Variants in PPARGC1A observed in about 807,000 individuals in gnomAD.
PPARGC1A encodes the protein peroxisome proliferator-activated receptor gamma coactivator 1-alpha.
A neutral mutation model predicts 88.7 loss-of-function variants in PPARGC1A; 25 were observed. The ratio of observed to expected loss-of-function variants is 0.28; its 90% CI spans 0.21 to 0.39. The LOEUF (loss-of-function observed/expected upper bound fraction) is 0.39, where lower values mean the gene tolerates loss of function less well. PPARGC1A is among the 10% of genes least tolerant of loss of function. The pLI is 1.00. For synonymous variants in PPARGC1A, 363 were observed against 355.6 expected, an observed-to-expected ratio of 1.02 and a Z score of -0.24; for missense variants, 880 against 968.7, an observed-to-expected ratio of 0.91 and a Z score of 1.22.
chr4:24,052,088 G>T, the PPARGC1A span, among the ~76,000 whole-genome samples: 3 of 152,160 alleles, frequency 2.0e-5, no homozygotes. Context: ...AATATTGGAC[G>T]TATTTGGAGA....
At chr4:24,436,921 G>A in the PPARGC1A span, among the ~76,000 whole-genome samples, 5 of 152,214 alleles carry the variant, frequency 3.3e-5, no homozygotes, top group Admixed American at 6.5e-5. Flanking sequence ...ACAGCGATTG[G>A]CCACCCCAGA....
At chr4:23,936,301 G>T in the PPARGC1A span, among the ~76,000 whole-genome samples, 1 of 152,188 alleles carries the variant, frequency 6.6e-6, no homozygotes, top group Non-Finnish European at 1.5e-5. Context: ...GATGGATTGA[G>T]AAACTTGCCC....
chr4:24,133,599 G>A, the PPARGC1A span, among the ~76,000 whole-genome samples: 1 of 152,068 alleles, frequency 6.6e-6, no homozygotes, highest in East Asian at 1.9e-4. Flanking sequence ...AACCATTTGG[G>A]GAGATTATTC....
At chr4:24,116,401 T>C in the PPARGC1A span, among the ~76,000 whole-genome samples, 1 of 152,202 alleles carries the variant, frequency 6.6e-6, no homozygotes, top group African/African-American at 2.4e-5. Context: ...GGTCATGGTT[T>C]CACTTTCAGG....
chr4:24,070,646 C>T, the PPARGC1A span, among the ~76,000 whole-genome samples: 2 of 152,170 alleles, frequency 1.3e-5, no homozygotes, highest in African/African-American at 4.8e-5. Flanking sequence ...ATAATAGACC[C>T]TAACCCTTTG....
rs770694890 is a variant in PPARGC1A, at chr4:23,802,352, G to A, written c.2020-7C>T. The A allele has an allele frequency of 1.9e-6, 3 of 1,613,952 alleles. No homozygotes were observed. The highest frequency in any genetic ancestry group is 2.5e-6 in the Non-Finnish European group (3 of 1,179,930). On this transcript the variant is annotated splice_region_variant and splice_polypyrimidine_tract_variant and intron_variant, in intron 10 of 12. Coordinates refer to ENST00000264867, the MANE Select transcript of PPARGC1A (RefSeq NM_013261.5). Reference sequence around the variant, plus strand: ...AAATCACACGGCGCTCTTCCTATGGGGGGAAGGAAGGAGAGAGTTCTGGAG... The same window carrying A: ...AAATCACACGGCGCTCTTCCTATGGAGGGAAGGAAGGAGAGAGTTCTGGAG...
chr4:24,122,826 C>T, the PPARGC1A span, among the ~76,000 whole-genome samples: 6 of 152,042 alleles, frequency 3.9e-5, no homozygotes, highest in East Asian at 1.9e-4. Context: ...ATGCCACTAG[C>T]GAGAACAGCC....
At chr4:24,053,420 C>T in the PPARGC1A span, among the ~76,000 whole-genome samples, 2 of 152,082 alleles carry the variant, frequency 1.3e-5, no homozygotes, top group Non-Finnish European at 2.9e-5. Context: ...AAGTTGCATG[C>T]ATAAAAGGCT....
intron 2 of PPARGC1A, chr4:23,875,863 A>C (rs1714594589): frequency 6.6e-6 from 1 of 152,220 alleles, no homozygotes; most frequent in South Asian, 2.1e-4. Context: ...CCCACTGTAC[A>C]TTGTAGCTTG....
At chr4:24,405,193 G>C in the PPARGC1A span, among the ~76,000 whole-genome samples, 1 of 152,050 alleles carries the variant, frequency 6.6e-6, no homozygotes, top group East Asian at 1.9e-4. Flanking sequence ...GAACTGAAAA[G>C]CACTTTGAAA....
the PPARGC1A span, among the ~76,000 whole-genome samples, chr4:24,287,968 A>C: frequency 6.6e-6 from 1 of 152,024 alleles, no homozygotes; most frequent in African/African-American, 2.4e-5. Context: ...TCCTTCTCTC[A>C]TATTTCTGCC....
the PPARGC1A span, among the ~76,000 whole-genome samples, chr4:24,043,200 G>A: frequency 6.6e-6 from 1 of 152,156 alleles, no homozygotes; most frequent in Admixed American, 6.5e-5. Context: ...GAAGCCCAAA[G>A]AAGGGTTCCC....
Position 23,829,501 on chromosome 4 carries a change from G to T in PPARGC1A, c.514C>A (p.His172Asn), listed in dbSNP as rs144933609. The change falls in exon 4 of 13, where the codon CAC becomes AAC. Residue 172 changes from histidine (H) to asparagine (N), a missense_variant. By Grantham distance (68) the His-to-Asn change is moderately conservative. Transcript: ENST00000264867. Reference sequence around the variant, plus strand: ...GGGTTTGTTCTGATCCTGTGATTGTGATTTGCATGGTTCTGGGTACTGAGA... The same window carrying T: ...GGGTTTGTTCTGATCCTGTGATTGTTATTTGCATGGTTCTGGGTACTGAGA... ...SGLSTQNHANHNHRIRTNPAI... is the reference protein window; with the variant it reads ...SGLSTQNHANNNHRIRTNPAI... 12 of 1,613,718 alleles carry T rather than the reference G, an allele frequency of 7.4e-6. No homozygotes were observed. Among genetic ancestry groups the T allele is most frequent in the Non-Finnish European group, 1.0e-5 (12 of 1,179,680 alleles).
At chr4:24,086,213 AATCTCTTTTCAG>A in the PPARGC1A span, among the ~76,000 whole-genome samples, 9 of 152,176 alleles carry the variant, frequency 5.9e-5, no homozygotes, top group East Asian at 3.9e-4. Flanking sequence ...CTCTTCCAAC[AATCTCTTTTCAG>A]ATCTCTTTTC....
At chr4:24,128,087 T>C in the PPARGC1A span, among the ~76,000 whole-genome samples, 1 of 152,078 alleles carries the variant, frequency 6.6e-6, no homozygotes, top group African/African-American at 2.4e-5. Context: ...TCCATATATA[T>C]CTGCGGAAAG....
the PPARGC1A span, among the ~76,000 whole-genome samples, chr4:24,300,270 C>G: frequency 1.5e-4 from 19 of 124,322 alleles, no homozygotes; most frequent in Non-Finnish European, 2.5e-4. Flanking sequence ...TTTACTACTG[C>G]TTTTATGGGT....
the PPARGC1A span, among the ~76,000 whole-genome samples, chr4:24,399,673 G>A: frequency 6.6e-6 from 1 of 152,110 alleles, no homozygotes; most frequent in African/African-American, 2.4e-5. Context: ...AACAAAATAC[G>A]AACACTCATT....
chr4:24,413,520 G>A, the PPARGC1A span, among the ~76,000 whole-genome samples: 22 of 150,122 alleles, frequency 1.5e-4, no homozygotes, highest in African/African-American at 5.4e-4. Flanking sequence ...CCCAAAGTGT[G>A]GATCAAGTCG....
At chr4:24,323,224 T>C in the PPARGC1A span, among the ~76,000 whole-genome samples, 1 of 152,152 alleles carries the variant, frequency 6.6e-6, no homozygotes, top group Non-Finnish European at 1.5e-5. Context: ...GTCAAAAAAG[T>C]CATTTATCTG....
Sources: allele counts gnomAD v4.1 joint callset (sites outside exome capture counted in the v4.1 genomes callset), GRCh38; gene constraint gnomAD v4.1.1; transcripts MANE v1.5; gene names NCBI Gene and HGNC (gene_info 2026-07-23, HGNC 2026-07-21).